The following TUBGCP5 variants were observed in gnomAD, a reference collection of about 807,000 sequenced individuals.
TUBGCP5 encodes the protein tubulin gamma complex component 5.
A neutral mutation model predicts 134.7 loss-of-function variants in TUBGCP5; 98 were observed. The observed-to-expected ratio is 0.73, with a 90% CI of 0.62 to 0.86. TUBGCP5 has a LOEUF of 0.86. Ranked by LOEUF, TUBGCP5 falls within the 40% of genes least tolerant of loss-of-function variation. The pLI, the probability that TUBGCP5 is intolerant of heterozygous loss-of-function variation, is 0.00. For missense variants in TUBGCP5, 1,150 were observed against 1,244.8 expected, an observed-to-expected ratio of 0.92 and a Z score of 1.15; for synonymous variants, 456 against 431.4, an observed-to-expected ratio of 1.06 and a Z score of -0.71.
At chr15:23,000,150 G>T in intron 22 of TUBGCP5, 1 of 704,298 alleles carries the variant, frequency 1.4e-6, no homozygotes, top group Non-Finnish European at 2.0e-6. Context: ...GACCTTAAGT[G>T]ATTCACTCAA....
At position 23,032,833 on chromosome 15, in the gene TUBGCP5, C is replaced by G; in HGVS notation, c.310-9G>C. The stretch of plus-strand genomic sequence containing the variant: ...GAATAATGTGCATCTGTCTTTAAAA[C>G]AAAAAAAAGAACATAAATCTCTGAG... On this transcript the variant is annotated splice_polypyrimidine_tract_variant and intron_variant, in intron 3 of 22. Coordinates refer to ENST00000615383, the MANE Select transcript of TUBGCP5 (RefSeq NM_052903.6). The G allele has an allele frequency of 2.0e-6, 3 of 1,532,018 alleles. No homozygotes were observed. The highest frequency in any genetic ancestry group is 2.6e-6 in the Non-Finnish European group (3 of 1,141,240). 94.9% of individuals were successfully genotyped at this position (1,532,018 alleles called of 1,614,324 possible).
At chr15:23,003,270 C>G (rs1160215331) in intron 20 of TUBGCP5, 117 bp from the exon 21 acceptor site, 7 of 913,156 alleles carry the variant, frequency 7.7e-6, no homozygotes, top group Non-Finnish European at 1.2e-5. Flanking sequence ...TGACTGCCTT[C>G]TGTGTATATG....
Position 23,029,873 on chromosome 15 carries a change from T to C in TUBGCP5, c.622+1012A>G, listed in dbSNP as rs2066205304. Among the ~76,000 whole-genome samples, 4 of 148,230 alleles carry C rather than the reference T, an allele frequency of 2.7e-5. No individual in the cohort carries two copies. The South Asian group carries it at 8.8e-4, about 33-fold the overall frequency. On this transcript the variant is annotated intron_variant, in intron 6 of 22. Coordinates refer to ENST00000615383, the MANE Select transcript of TUBGCP5 (RefSeq NM_052903.6). ...CATAGCCTGGGCGACAGAGTGAGAC[T>C]CCGTCTCAAAAAAAGGGGGTGGGGG...
chr15:23,028,122 T>A (rs539789625), intron 6 of TUBGCP5, among the ~76,000 whole-genome samples: 1 of 151,864 alleles, frequency 6.6e-6, no homozygotes, highest in Non-Finnish European at 1.5e-5. Flanking sequence ...TGAAAAATCC[T>A]ACATTAAAAA....
At chr15:22,994,197 C>T (rs896284122), downstream of TUBGCP5, among the ~76,000 whole-genome samples, 10 of 152,128 alleles carry the variant, frequency 6.6e-5, no homozygotes, top group Non-Finnish European at 1.3e-4. Flanking sequence ...AAGAGATTCT[C>T]CTGCCTCAGC....
chr15:23,016,482 A>G (rs2065323725), intron 13 of TUBGCP5, among the ~76,000 whole-genome samples: 1 of 150,986 alleles, frequency 6.6e-6, no homozygotes, highest in African/African-American at 2.4e-5. Context: ...TGATGGGAGT[A>G]AAACTCTGTC....
intron 13 of TUBGCP5, 103 bp from the exon 14 acceptor site, chr15:23,011,434 AATCT>A (rs1254063967): frequency 1.3e-5 from 5 of 391,508 alleles, no homozygotes; most frequent in Non-Finnish European, 2.2e-5. Context: ...TAAGTAACAA[AATCT>A]ATATATTTAT....
intron 13 of TUBGCP5, among the ~76,000 whole-genome samples, chr15:23,017,049 T>C (rs576036131): frequency 7.4e-5 from 11 of 149,312 alleles, no homozygotes; most frequent in African/African-American, 2.2e-4. Flanking sequence ...ATGGAAATGG[T>C]GGACATTAAG....
chr15:23,014,716 C>T (rs2065219705), intron 13 of TUBGCP5, among the ~76,000 whole-genome samples: 2 of 152,202 alleles, frequency 1.3e-5, no homozygotes, highest in African/African-American at 4.8e-5. Context: ...CTTGTACCCA[C>T]ATCCTGGGCC....
chr15:23,021,682 T>C (rs953761183), intron 11 of TUBGCP5, among the ~76,000 whole-genome samples: 1 of 152,226 alleles, frequency 6.6e-6, no homozygotes, highest in African/African-American at 2.4e-5. Flanking sequence ...AGTTACATGT[T>C]AGTGTTTATG....
intron 4 of TUBGCP5, 57 bp downstream of exon 4, chr15:23,032,670 TA>T: frequency 8.2e-7 from 1 of 1,223,228 alleles, no homozygotes; most frequent in Non-Finnish European, 1.1e-6. Context: ...GTTTAGCAAC[TA>T]AGTAATCAAA....
intron 23 of TUBGCP5, among the ~76,000 whole-genome samples, chr15:22,985,326 G>C (rs35346947): frequency 0.21 from 31,938 of 151,872 alleles, 3,470 homozygotes; most frequent in African/African-American, 0.24. Flanking sequence ...TAAAGCGATT[G>C]TCCTGCCTCA....
rs1055629382 is a variant in TUBGCP5, at chr15:23,011,280, C to T, written c.1808G>A (p.Arg603His). The T allele has an allele frequency of 3.7e-6, 6 of 1,613,722 alleles. No homozygotes were observed. Among genetic ancestry groups the T allele is most frequent in the East Asian group, 4.5e-5 (2 of 44,880 alleles). The change falls in exon 14 of 23, where the codon CGT becomes CAT. Residue 603 changes from arginine to histidine, a missense_variant. By Grantham distance (29) the Arg-to-His change is conservative. Around this residue, in one of 2 missense-constraint regions of TUBGCP5, gnomAD observed 697 missense variants for 850.1 expected, o/e 0.82. Transcript: ENST00000615383. ...AGTGGAATCTTCTCCATGTCGAAGACGGGACTGTACAGATTCCAGAAAGAG... is the reference window on the plus strand; with the variant it reads ...AGTGGAATCTTCTCCATGTCGAAGATGGGACTGTACAGATTCCAGAAAGAG... ...YTLFLESVQS[R>H]LRHGEDSTPQ...
chr15:23,004,400 G>A lies in TUBGCP5; in HGVS notation c.2713-173C>T, dbSNP rs2305092. On this transcript the variant is annotated intron_variant, in intron 19 of 22. Coordinates refer to ENST00000615383, the MANE Select transcript of TUBGCP5 (RefSeq NM_052903.6). ...TCAAAGGCTGGCTGGATACTCTGGC[G>A]TTCTGATCCTAAGAGGACGGCGGGG... 1,635 of 754,328 alleles carry A rather than the reference G, an allele frequency of 2.2e-3. 39 individuals carry two copies. In the East Asian group the frequency reaches 0.044, roughly 20 times the overall value. 46.7% of individuals were successfully genotyped at this position (754,328 alleles called of 1,614,324 possible).
intron 8 of TUBGCP5, 71 bp from the exon 9 acceptor site, chr15:23,024,901 CA>C: frequency 1.1e-6 from 1 of 890,670 alleles, no homozygotes; most frequent in Non-Finnish European, 1.8e-6. Flanking sequence ...ATGCCCAGGA[CA>C]TTTTTTTTTT....
intron 23 of TUBGCP5, among the ~76,000 whole-genome samples, chr15:22,992,915 T>A (rs2063895755): frequency 1.3e-5 from 2 of 151,792 alleles, no homozygotes; most frequent in South Asian, 4.2e-4. Context: ...TAGTAAAATG[T>A]GAGAGGAGAG....
rs2065130008 is a variant in TUBGCP5 at position 23,013,140 on chromosome 15, G to A, written c.1757-1809C>T. On this transcript the variant is annotated intron_variant, in intron 13 of 22. Transcript: ENST00000615383. This position sits in a 1 kb window ranked among gnomAD's most constrained non-coding sequence, Gnocchi z 4.5. ...CTCCCAACAGCAAGAGAGGACCAAAGCAACGAATCAACAGTTAAGATCCGA... is the reference window on the plus strand; with the variant it reads ...CTCCCAACAGCAAGAGAGGACCAAAACAACGAATCAACAGTTAAGATCCGA... Among the ~76,000 whole-genome samples, 1 of 151,938 alleles carries A rather than the reference G, an allele frequency of 6.6e-6. No individual in the cohort carries two copies. Among genetic ancestry groups the A allele is most frequent in the Non-Finnish European group, 1.5e-5 (1 of 67,986 alleles).
intron 3 of TUBGCP5, 128 bp from the exon 4 acceptor site, chr15:23,032,952 T>C (rs905852950): frequency 1.8e-6 from 1 of 569,116 alleles, no homozygotes; most frequent in Non-Finnish European, 2.9e-6. Flanking sequence ...ACATGAGTTA[T>C]ACCTAAATAA....
intron 1 of TUBGCP5, among the ~76,000 whole-genome samples, chr15:23,038,954 A>C (rs1179291654): frequency 1.3e-5 from 2 of 152,074 alleles, no homozygotes; most frequent in Non-Finnish European, 2.9e-5. Context: ...GCGTTTTGGA[A>C]AAAGGAGAGC....
Sources: allele counts gnomAD v4.1 joint callset (sites outside exome capture counted in the v4.1 genomes callset), GRCh38; gene constraint gnomAD v4.1.1; regional missense constraint gnomAD v4.1.1; non-coding constraint Gnocchi (gnomAD v3.1); transcripts MANE v1.5; gene names NCBI Gene and HGNC (gene_info 2026-07-23, HGNC 2026-07-21).